WWOX: variants seen among roughly 807,000 people sequenced by gnomAD.
WWOX encodes the protein WW domain containing oxidoreductase.
A neutral mutation model predicts 46.2 loss-of-function variants in WWOX; 69 were observed. The observed-to-expected ratio is 1.49, with a 90% confidence interval of 1.23 to 1.82. The LOEUF (loss-of-function observed/expected upper bound fraction) is 1.82. WWOX is among the 40% of genes most tolerant of loss of function. The pLI, the probability that WWOX is intolerant of heterozygous loss-of-function variation, is 0.00. For missense variants in WWOX, 919 were observed against 542.6 expected, an observed-to-expected ratio of 1.69 and a Z score of -6.89; for synonymous variants, 359 against 202.6, an observed-to-expected ratio of 1.77 and a Z score of -6.56.
chr16:79,060,465 A>G (rs577751047), intron 8 of WWOX, among the ~76,000 whole-genome samples: 1 of 152,330 alleles, frequency 6.6e-6, no homozygotes, highest in South Asian at 2.1e-4. Context: ...GCTTCAAGTT[A>G]TGCTTTGTGC....
intron 8 of WWOX, among the ~76,000 whole-genome samples, chr16:78,593,712 C>T (rs576610318): frequency 7.0e-4 from 99 of 140,480 alleles, no homozygotes; most frequent in African/African-American, 2.6e-3. Flanking sequence ...CAGAGGAAAA[C>T]TGCCTGTTGT....
intron 8 of WWOX, among the ~76,000 whole-genome samples, chr16:78,484,050 C>T (rs1014594638): frequency 6.6e-6 from 1 of 152,114 alleles, no homozygotes; most frequent in African/African-American, 2.4e-5. Context: ...GATAAGTATG[C>T]TCCCTTGCAA....
At chr16:78,135,235 A>G (rs2033746774) in intron 4 of WWOX, among the ~76,000 whole-genome samples, 2 of 152,200 alleles carry the variant, frequency 1.3e-5, no homozygotes, top group Admixed American at 1.3e-4. Flanking sequence ...TTCACATGAC[A>G]GTGTTTGAAA....
intron 8 of WWOX, among the ~76,000 whole-genome samples, chr16:78,739,732 A>G (rs1490829265): frequency 6.6e-6 from 1 of 151,990 alleles, no homozygotes. Context: ...AATCGCTTGA[A>G]CCCAGGAGGC....
At chr16:79,069,713 C>T (rs1221476573) in intron 8 of WWOX, among the ~76,000 whole-genome samples, 1 of 152,028 alleles carries the variant, frequency 6.6e-6, no homozygotes, top group Non-Finnish European at 1.5e-5. Context: ...TTAAATGAGG[C>T]AGTGTGTGGT....
intron 6 of WWOX, among the ~76,000 whole-genome samples, chr16:78,415,510 AG>A (rs2082779096): frequency 6.6e-6 from 1 of 152,166 alleles, no homozygotes; most frequent in South Asian, 2.1e-4. Flanking sequence ...TATTTTACCC[AG>A]CCCCTATTCA....
chr16:78,455,993 G>A (rs2083807947), intron 8 of WWOX, among the ~76,000 whole-genome samples: 1 of 152,228 alleles, frequency 6.6e-6, no homozygotes, highest in Non-Finnish European at 1.5e-5. Context: ...CCTGTGCTAT[G>A]TAGCTTATCT....
At chr16:78,271,562 A>T (rs2079478525) in intron 5 of WWOX, among the ~76,000 whole-genome samples, 1 of 152,194 alleles carries the variant, frequency 6.6e-6, no homozygotes, top group South Asian at 2.1e-4. Flanking sequence ...TAATTCAAGT[A>T]AGCATCTCTT....
intron 8 of WWOX, among the ~76,000 whole-genome samples, chr16:78,700,180 A>AT (rs111468224): frequency 1.0e-3 from 146 of 142,400 alleles, no homozygotes; most frequent in African/African-American, 1.2e-3. Context: ...GGGTGGCTTG[A>AT]TTTTTTTTTT....
intron 8 of WWOX, among the ~76,000 whole-genome samples, chr16:78,584,860 G>A (rs2045155157): frequency 6.6e-6 from 1 of 152,220 alleles, no homozygotes; most frequent in Non-Finnish European, 1.5e-5. Flanking sequence ...GCACGTCGGT[G>A]CGTGTAAGCA....
At chr16:78,745,655 G>C (rs1211684697) in intron 8 of WWOX, among the ~76,000 whole-genome samples, 2 of 148,688 alleles carry the variant, frequency 1.3e-5, no homozygotes, top group South Asian at 2.1e-4. Flanking sequence ...ACATTTTACA[G>C]CTGTTTTTCA....
chr16:78,928,505 C>G (rs1470156292), intron 8 of WWOX, among the ~76,000 whole-genome samples: 6 of 152,226 alleles, frequency 3.9e-5, no homozygotes, highest in South Asian at 2.1e-4. Context: ...CCCGGCCCCA[C>G]TTTTCTTGTT....
At chr16:78,872,300 A>G (rs1297237133) in intron 8 of WWOX, among the ~76,000 whole-genome samples, 1 of 152,226 alleles carries the variant, frequency 6.6e-6, no homozygotes, top group African/African-American at 2.4e-5. Flanking sequence ...CATAAGAAAG[A>G]TGGGCATAAG....
At chr16:78,383,030 A>G (rs1041026620) in intron 5 of WWOX, among the ~76,000 whole-genome samples, 61 of 150,610 alleles carry the variant, frequency 4.1e-4, no homozygotes, top group African/African-American at 1.5e-3. Flanking sequence ...GGGGGAGGTG[A>G]TATGCTCTTG....
At chr16:78,240,538 T>C (rs1476009064) in intron 5 of WWOX, among the ~76,000 whole-genome samples, 3 of 152,050 alleles carry the variant, frequency 2.0e-5, no homozygotes, top group African/African-American at 7.2e-5. Context: ...TCCTGAACTG[T>C]GAGAGTCAGT....
At chr16:79,176,893 C>G (rs746303793) in intron 8 of WWOX, among the ~76,000 whole-genome samples, 10 of 152,268 alleles carry the variant, frequency 6.6e-5, no homozygotes, top group Non-Finnish European at 8.8e-5. Flanking sequence ...CTGGCATAAT[C>G]CAGGCCGACT....
chr16:78,211,206 C>T (rs1274030874), intron 5 of WWOX, among the ~76,000 whole-genome samples: 2 of 152,168 alleles, frequency 1.3e-5, no homozygotes, highest in Non-Finnish European at 2.9e-5. Context: ...CTGCCAATTT[C>T]CCACGAGTCT....
chr16:78,449,635 TGAGA>T (rs1268840185), intron 8 of WWOX, among the ~76,000 whole-genome samples: 1 of 152,206 alleles, frequency 6.6e-6, no homozygotes, highest in Non-Finnish European at 1.5e-5. Context: ...CTTTCTGGAC[TGAGA>T]GAGGCACCAA....
At chr16:78,845,133 CT>C (rs68089672) in intron 8 of WWOX, among the ~76,000 whole-genome samples, 35,843 of 134,046 alleles carry the variant, frequency 0.27, 4,606 homozygotes, top group Middle Eastern at 0.38. Flanking sequence ...ATCTTGCTGT[CT>C]TTTTTTTTTT....
Sources: gnomAD v4.1 joint callset for allele counts (sites outside exome capture counted in the v4.1 genomes callset) on GRCh38, gnomAD v4.1.1 for gene constraint, MANE v1.5 for transcripts, NCBI Gene and HGNC (gene_info 2026-07-23, HGNC 2026-07-21) for gene names.